ATG13: variants seen among roughly 807,000 people sequenced by gnomAD.
ATG13 encodes autophagy related 13, also known as autophagy-related protein 13.
A neutral mutation model predicts 65.5 loss-of-function variants in ATG13; 23 were observed. The ratio of observed to expected loss-of-function variants is 0.35; its 90% confidence interval spans 0.25 to 0.50. The LOEUF (loss-of-function observed/expected upper bound fraction) is 0.50, where lower values mean the gene tolerates loss of function less well. Among genes scored for constraint, ATG13 ranks in the 20% least tolerant of loss-of-function variants. The pLI is 0.98. For missense variants in ATG13, 566 were observed against 677.0 expected (o/e 0.84, Z 1.82); for synonymous variants, 252 against 245.2 (o/e 1.03, Z -0.26).
At position 46,669,407 on chromosome 11, in the gene ATG13, C is replaced by G. The variant is rs2063186088; in HGVS notation, c.1450C>G (p.Pro484Ala). 1 of 1,613,954 alleles carries G rather than the reference C, an allele frequency of 6.2e-7. No individual in the cohort carries two copies. The highest frequency in any genetic ancestry group is 2.2e-5 in the East Asian group (1 of 44,870). ...TGACTCTGTCTTGTTTTTGAAGAAA[C>G]CAGCTTTTTCTAAAGATGACATTCT... ...HDDFVMIDFK[P>A]AFSKDDILPM... The change falls in exon 18 of 19, where the codon CCA becomes GCA. Residue 484 changes from proline (P) to alanine (A), a missense_variant. Physicochemically the swap from Pro to Ala is conservative, Grantham distance 27. Coordinates refer to ENST00000683050, the MANE Select transcript of ATG13 (RefSeq NM_001346311.2).
At chr11:46,668,359 A>G in intron 15 of ATG13, 140 bp from the exon 16 acceptor site, 1 of 790,600 alleles carries the variant, frequency 1.3e-6, no homozygotes, top group Non-Finnish European at 2.1e-6. Context: ...AGAGCCTCTA[A>G]CAAGGCAGGA....
chr11:46,643,993 T>G (rs2056870658), intron 2 of ATG13, among the ~76,000 whole-genome samples: 1 of 152,234 alleles, frequency 6.6e-6, no homozygotes, highest in Non-Finnish European at 1.5e-5. Context: ...TGCTGGATGA[T>G]GAAATAATTT....
rs555549387 is a variant in ATG13 at position 46,663,929 on chromosome 11, T to C, written c.790-68T>C. ...CCCCTTCCAGAGTTTCTTCACTTCTTTCTCAAGTCCCTTTTCTTTTTTTTT... is the reference window on the plus strand; with the variant it reads ...CCCCTTCCAGAGTTTCTTCACTTCTCTCTCAAGTCCCTTTTCTTTTTTTTT... On this transcript the variant is annotated intron_variant, in intron 11 of 18. Coordinates refer to ENST00000683050, the MANE Select transcript of ATG13 (RefSeq NM_001346311.2). 4.9e-6 allele frequency: 6 copies of C among 1,214,226 alleles called. No homozygotes were observed. The African/African-American group carries it at 7.8e-5, about 16-fold the overall frequency. The allele number at this position is 1,214,226 out of a possible 1,614,324, so 75.2% of individuals were successfully genotyped here.
At position 46,674,273 on chromosome 11, in the gene ATG13, G is replaced by A. The variant is rs2064328859; in HGVS notation, c.*1941G>A. The A allele has an allele frequency of 6.6e-6, 1 of 152,228 alleles. No individual in the cohort carries two copies. Among genetic ancestry groups the A allele is most frequent in the South Asian group, 2.1e-4 (1 of 4,822 alleles). The allele number at this position is 152,228 out of a possible 1,614,324, so 9.4% of individuals were successfully genotyped here. ...TGAAGAGTCTCAGCCATGACTTTGA[G>A]CTGAGCTTGGGAGAAGTAAAGCAAC... is the stretch of plus-strand genomic sequence containing the variant. On this transcript the variant is annotated 3_prime_UTR_variant, in exon 19 of 19. Transcript: ENST00000683050.
At chr11:46,651,636 A>G (rs1449911864) in intron 7 of ATG13, among the ~76,000 whole-genome samples, 1 of 152,230 alleles carries the variant, frequency 6.6e-6, no homozygotes. Context: ...TAGTATAGCA[A>G]GATAGAGGGA....
chr11:46,624,330 A>G (rs1012612411), intron 1 of ATG13, among the ~76,000 whole-genome samples: 1 of 152,292 alleles, frequency 6.6e-6, no homozygotes, highest in East Asian at 1.9e-4. Flanking sequence ...TATTGATGCA[A>G]TACTGTTACC....
intron 2 of ATG13, among the ~76,000 whole-genome samples, chr11:46,637,120 A>G (rs896528120): frequency 1.2e-4 from 18 of 152,142 alleles, no homozygotes; most frequent in South Asian, 2.1e-4. Flanking sequence ...GCATGAGGAA[A>G]CTTTTGGGAA....
rs1462771426 is a variant in ATG13, at chr11:46,656,259, G to A, written c.485G>A (p.Ser162Asn). The change falls in exon 8 of 19, where the codon AGT (serine) becomes AAT (asparagine). Residue 162 changes from serine (S) to asparagine (N), a missense_variant. This residue lies in a region of ATG13 where 179 missense variants were observed against 267.2 expected (regional missense o/e 0.67). Transcript: ENST00000683050. ...YRIYFGEVQL[S>N]GLGEGFQTVR... The stretch of plus-strand genomic sequence containing the variant: ...ATATATTTTGGAGAAGTTCAGCTGA[G>A]TGGCTTAGGAGAAGGTATGTATCAA... The A allele has an allele frequency of 5.0e-6, 8 of 1,612,912 alleles. No homozygotes were observed. The highest frequency in any genetic ancestry group is 2.7e-5 in the African/African-American group (2 of 74,894).
At chr11:46,669,842 T>C (rs982601254) in intron 18 of ATG13, among the ~76,000 whole-genome samples, 1 of 152,152 alleles carries the variant, frequency 6.6e-6, no homozygotes, top group Non-Finnish European at 1.5e-5. Flanking sequence ...TTGCATTAGC[T>C]ATTTAGCTTT....
At chr11:46,619,284 A>G (rs1565382823) in intron 1 of ATG13, among the ~76,000 whole-genome samples, 1 of 151,870 alleles carries the variant, frequency 6.6e-6, no homozygotes, top group Non-Finnish European at 1.5e-5. Flanking sequence ...AAATATTTAA[A>G]AGGATTTTAA....
chr11:46,643,399 C>G (rs1391078700), intron 2 of ATG13, among the ~76,000 whole-genome samples: 1 of 152,124 alleles, frequency 6.6e-6, no homozygotes, highest in Non-Finnish European at 1.5e-5. Context: ...TGACACCCCT[C>G]AGCTGCGGGA....
intron 11 of ATG13, among the ~76,000 whole-genome samples, chr11:46,661,423 C>T (rs2061184167): frequency 6.7e-6 from 1 of 148,460 alleles, no homozygotes; most frequent in South Asian, 2.1e-4. Context: ...GAGGCCGAGG[C>T]AGGAGAATTG....
chr11:46,659,382 T>C lies in ATG13; in HGVS notation c.696-10T>C. 3.1e-6 allele frequency: 5 copies of C among 1,604,264 alleles called. No individual in the cohort carries two copies. The highest frequency in any genetic ancestry group is 1.1e-5 in the South Asian group (1 of 90,610). ...CCATAAAATTCATTATTTCTTTCTT[T>C]TCACTTTAGAACTGCTGGTGAGGAC... On this transcript the variant is annotated splice_polypyrimidine_tract_variant and intron_variant, in intron 10 of 18. Coordinates refer to ENST00000683050, the MANE Select transcript of ATG13 (RefSeq NM_001346311.2).
intron 1 of ATG13, among the ~76,000 whole-genome samples, chr11:46,618,927 C>G (rs996616106): frequency 6.6e-6 from 1 of 152,168 alleles, no homozygotes; most frequent in African/African-American, 2.4e-5. Flanking sequence ...AGGGAATCCT[C>G]CCACCTCAGC....
intron 1 of ATG13, among the ~76,000 whole-genome samples, chr11:46,622,128 T>TATATATA (rs1491368809): frequency 9.1e-6 from 1 of 109,752 alleles, no homozygotes; most frequent in Non-Finnish European, 1.9e-5. Context: ...TATATATATA[T>TATATATA]TTATTTTAGA....
chr11:46,658,376 G>T (rs1305251002), intron 10 of ATG13, among the ~76,000 whole-genome samples: 1 of 152,080 alleles, frequency 6.6e-6, no homozygotes, highest in African/African-American at 2.4e-5. Context: ...CCCAGATGTG[G>T]CTCCATTACT....
rs1304585277 is a variant in ATG13 at position 46,665,438 on chromosome 11, A to T, written c.1055A>T (p.His352Leu). 1.2e-6 allele frequency: 2 copies of T among 1,614,040 alleles called. No homozygotes were observed. The highest frequency in any genetic ancestry group is 3.3e-5 in the Admixed American group (2 of 59,998). The change falls in exon 14 of 19, where the codon CAT (histidine) becomes CTT (leucine). Residue 352 changes from histidine (H) to leucine (L), a missense_variant. Physicochemically the swap from His to Leu is moderately conservative, Grantham distance 99 (BLOSUM62 -3). This residue lies in a region of ATG13 where 387 missense variants were observed against 409.8 expected (regional missense o/e 0.94). Transcript: ENST00000683050. ...GVPLAPNQPV[H>L]GTQADQERLA... ...CCCCTTGCTCCCAACCAGCCTGTCC[A>T]TGGTACCCAGGCTGACCAGGAGAGA...
chr11:46,624,333 C>G (rs1023533584), intron 1 of ATG13, among the ~76,000 whole-genome samples: 3 of 152,166 alleles, frequency 2.0e-5, no homozygotes, highest in Non-Finnish European at 2.9e-5. Flanking sequence ...TGATGCAATA[C>G]TGTTACCTAG....
chr11:46,637,951 T>G (rs1329228987), intron 2 of ATG13, among the ~76,000 whole-genome samples: 2 of 152,200 alleles, frequency 1.3e-5, no homozygotes, highest in Non-Finnish European at 2.9e-5. Context: ...ATGTAGGGTA[T>G]TAAGTCCTAG....
Sources: allele counts gnomAD v4.1 joint callset (sites outside exome capture counted in the v4.1 genomes callset), GRCh38; gene constraint gnomAD v4.1.1; regional missense constraint gnomAD v4.1.1; transcripts MANE v1.5; gene names NCBI Gene and HGNC (gene_info 2026-07-23, HGNC 2026-07-21).